Variants in FAM168A observed in about 807,000 individuals in gnomAD.
FAM168A encodes the protein protein FAM168A.
A neutral mutation model predicts 28.5 loss-of-function variants in FAM168A; 3 were observed. That is an observed-to-expected ratio of 0.11 (90% confidence interval 0.05 to 0.27). FAM168A has a LOEUF of 0.27. Among genes scored for constraint, FAM168A ranks in the 10% least tolerant of loss-of-function variants. FAM168A has a pLI of 1.00. For missense variants in FAM168A, 222 were observed against 311.5 expected, an observed-to-expected ratio of 0.71 and a Z score of 2.16; for synonymous variants, 122 against 124.2, an observed-to-expected ratio of 0.98 and a Z score of 0.12.
intron 1 of FAM168A, among the ~76,000 whole-genome samples, chr11:73,512,827 A>G (rs1379828089): frequency 6.6e-6 from 1 of 152,218 alleles, no homozygotes; most frequent in African/African-American, 2.4e-5. Flanking sequence ...AGATACTGGA[A>G]AGAAAACAAG....
rs566882491 is a variant in FAM168A, at chr11:73,416,391, C to T, written c.277+3483G>A. On this transcript the variant is annotated intron_variant, in intron 4 of 7. Coordinates refer to ENST00000356467, the MANE Select transcript of FAM168A (RefSeq NM_015159.3). ...CTTTTAGACTAATTGGTTTATTGAT[C>T]ATCAGATTTATATGTCTGGACAAAA... Among the ~76,000 whole-genome samples, 16 of 152,280 alleles carry T rather than the reference C, an allele frequency of 1.1e-4. No homozygotes were observed. In the South Asian group the frequency reaches 3.3e-3, roughly 32 times the overall value.
chr11:73,535,431 T>C (rs1943565139), intron 1 of FAM168A, among the ~76,000 whole-genome samples: 1 of 150,478 alleles, frequency 6.6e-6, no homozygotes, highest in Non-Finnish European at 1.5e-5. Context: ...TTTTTTTTTT[T>C]TTTTTGAGAC....
intron 2 of FAM168A, 93 bp downstream of exon 2, chr11:73,468,312 T>A: frequency 8.3e-7 from 1 of 1,202,792 alleles, no homozygotes; most frequent in Non-Finnish European, 1.2e-6. Flanking sequence ...TTCCCAAGAC[T>A]TTTGGAGGTA....
At position 73,404,580 on chromosome 11, in the gene FAM168A, T is replaced by C. The variant is rs1031548321; in HGVS notation, c.*2183A>G. 2.0e-5 allele frequency: 3 copies of C among 152,252 alleles called. No homozygotes were observed. The highest frequency in any genetic ancestry group is 7.2e-5 in the African/African-American group (3 of 41,458). 9.4% of individuals were successfully genotyped at this position (152,252 alleles called of 1,614,324 possible). ...TGAATTAACACTGGAAAACTTTCTATTGTTTTAAAGTGAAACCTCATCAGC... is the reference window on the plus strand; with the variant it reads ...TGAATTAACACTGGAAAACTTTCTACTGTTTTAAAGTGAAACCTCATCAGC... On this transcript the variant is annotated 3_prime_UTR_variant, in exon 8 of 8. Transcript: ENST00000356467.
chr11:73,451,278 T>C (rs1441174582), intron 2 of FAM168A, among the ~76,000 whole-genome samples: 1 of 152,216 alleles, frequency 6.6e-6, no homozygotes, highest in Non-Finnish European at 1.5e-5. Context: ...GGCTTAGAGC[T>C]AAATGTGAAT....
intron 2 of FAM168A, among the ~76,000 whole-genome samples, chr11:73,450,506 T>C (rs1867407114): frequency 6.6e-6 from 1 of 152,158 alleles, no homozygotes; most frequent in Non-Finnish European, 1.5e-5. Context: ...CTATAAAGTA[T>C]AAATCAATTA....
intron 2 of FAM168A, among the ~76,000 whole-genome samples, chr11:73,433,774 T>C (rs1867039179): frequency 6.6e-6 from 1 of 151,422 alleles, no homozygotes; most frequent in Admixed American, 6.6e-5. Context: ...CCTAAGTAAA[T>C]CTCTGACTGA....
intron 1 of FAM168A, among the ~76,000 whole-genome samples, chr11:73,477,914 C>A (rs1433400923): frequency 1.4e-5 from 2 of 143,046 alleles, no homozygotes; most frequent in Admixed American, 1.4e-4. Flanking sequence ...ACCAGGAAAG[C>A]TGATATGTAG....
intron 1 of FAM168A, among the ~76,000 whole-genome samples, chr11:73,520,850 A>C (rs2134650397): frequency 1.3e-5 from 2 of 152,042 alleles, no homozygotes; most frequent in Non-Finnish European, 2.9e-5. Context: ...GTTATATATT[A>C]TTTTAAACCA....
At chr11:73,461,539 G>T (rs1385918258) in intron 2 of FAM168A, among the ~76,000 whole-genome samples, 1 of 152,134 alleles carries the variant, frequency 6.6e-6, no homozygotes, top group Non-Finnish European at 1.5e-5. Context: ...CATAATACCA[G>T]CCACCAGATG....
At chr11:73,562,963 T>C (rs1247798058) in intron 1 of FAM168A, among the ~76,000 whole-genome samples, 2 of 152,194 alleles carry the variant, frequency 1.3e-5, no homozygotes, top group Non-Finnish European at 2.9e-5. Flanking sequence ...TTCACTGTAA[T>C]ATTCAATGGG....
chr11:73,410,062 T>C (rs1866580426), intron 5 of FAM168A, among the ~76,000 whole-genome samples: 1 of 151,664 alleles, frequency 6.6e-6, no homozygotes, highest in Non-Finnish European at 1.5e-5. Context: ...TAATTAGTAG[T>C]AGTATCATAA....
intron 4 of FAM168A, 146 bp downstream of exon 4, chr11:73,419,728 G>T: frequency 1.2e-6 from 1 of 839,818 alleles, no homozygotes; most frequent in East Asian, 2.9e-5. Flanking sequence ...GAATAAGGAG[G>T]GGTAATTTTT....
intron 2 of FAM168A, among the ~76,000 whole-genome samples, chr11:73,432,352 CTG>C (rs1326544450): frequency 1.3e-5 from 2 of 152,170 alleles, no homozygotes; most frequent in African/African-American, 2.4e-5. Flanking sequence ...AACCACCAAA[CTG>C]TTTTTCACAA....
chr11:73,411,457 G>T lies in FAM168A; in HGVS notation c.357C>A (p.Asn119Lys). Residue 119 changes from asparagine (N) to lysine (K), a missense_variant, in exon 5 of 8, where the codon AAC (asparagine) becomes AAA (lysine). Around this residue, in one of 3 missense-constraint regions of FAM168A, gnomAD observed 153 missense variants for 189.2 expected, o/e 0.81. Coordinates refer to ENST00000356467, the MANE Select transcript of FAM168A (RefSeq NM_015159.3). ...TAPPPYSPSP[N>K]PYQTAMYPIR... Reference sequence around the variant, plus strand: ...TTGGATACATGGCCGTCTGATAGGGGTTGGGTGATGGGGAGTAGGGGGGTG... The same window carrying T: ...TTGGATACATGGCCGTCTGATAGGGTTTGGGTGATGGGGAGTAGGGGGGTG... The T allele has an allele frequency of 1.9e-6, 3 of 1,613,604 alleles. No individual in the cohort carries two copies. The highest frequency in any genetic ancestry group is 2.5e-6 in the Non-Finnish European group (3 of 1,179,726).
chr11:73,457,244 C>T (rs1425065559), intron 2 of FAM168A, among the ~76,000 whole-genome samples: 1 of 150,102 alleles, frequency 6.7e-6, no homozygotes, highest in Admixed American at 6.6e-5. Flanking sequence ...TTTAAATTAG[C>T]CAGGCACAGT....
At chr11:73,432,622 AC>A (rs1565241984) in intron 2 of FAM168A, among the ~76,000 whole-genome samples, 1 of 152,132 alleles carries the variant, frequency 6.6e-6, no homozygotes, top group African/African-American at 2.4e-5. Context: ...ATTTAAAAAT[AC>A]AATTATTTGG....
intron 1 of FAM168A, among the ~76,000 whole-genome samples, chr11:73,555,082 C>T (rs1005859448): frequency 1.3e-5 from 2 of 152,084 alleles, no homozygotes; most frequent in South Asian, 2.1e-4. Flanking sequence ...AGGAAAAGGG[C>T]ATTCTAGGAA....
rs112963659 is a variant in FAM168A, at chr11:73,401,377, C to T, written c.*5386G>A. ...GTAGCTAGAGGCCTGGCCTTACCCC[C>T]CCTGGGTAAGGAGGAGCTTGAGTCA... On this transcript the variant is annotated 3_prime_UTR_variant, in exon 8 of 8. Transcript: ENST00000356467. 15 of 152,212 alleles carry T rather than the reference C, an allele frequency of 9.9e-5. No homozygotes were observed. Among genetic ancestry groups the T allele is most frequent in the African/African-American group, 2.6e-4 (11 of 41,546 alleles). 9.4% of individuals were successfully genotyped at this position (152,212 alleles called of 1,614,324 possible). A position where few individuals can be genotyped will look rare whatever the true frequency, so the allele number is the denominator to read the frequency against.
Sources: gnomAD v4.1 joint callset for allele counts (sites outside exome capture counted in the v4.1 genomes callset) on GRCh38, gnomAD v4.1.1 for gene constraint, gnomAD v4.1.1 regional missense constraint, MANE v1.5 for transcripts, NCBI Gene and HGNC (gene_info 2026-07-23, HGNC 2026-07-21) for gene names.